Variants in MAP4K4 observed in about 807,000 individuals in gnomAD.
MAP4K4 encodes the protein HPK/GCK-like kinase HGK.
A neutral mutation model predicts 189.6 loss-of-function variants in MAP4K4; 38 were observed. The ratio of observed to expected loss-of-function variants is 0.20; its 90% confidence interval spans 0.15 to 0.26. The LOEUF (loss-of-function observed/expected upper bound fraction) is 0.26. MAP4K4 is among the 10% of genes least tolerant of loss of function. The probability of loss-of-function intolerance (pLI) is 1.00; values close to 1 mark genes in which losing one functional copy is unlikely to be tolerated. For synonymous variants in MAP4K4, 610 were observed against 624.3 expected, an observed-to-expected ratio of 0.98 and a Z score of 0.34; for missense variants, 1,054 against 1,726.9, an observed-to-expected ratio of 0.61 and a Z score of 6.91.
At chr2:101,799,525 T>TAA (rs986820207) in intron 3 of MAP4K4, among the ~76,000 whole-genome samples, 1 of 151,986 alleles carries the variant, frequency 6.6e-6, no homozygotes, top group African/African-American at 2.4e-5. Context: ...CACTGTTTGG[T>TAA]CCTTTGATAA....
intron 3 of MAP4K4, among the ~76,000 whole-genome samples, chr2:101,811,636 T>C (rs1290725500): frequency 6.6e-6 from 1 of 152,124 alleles, no homozygotes; most frequent in East Asian, 1.9e-4. Context: ...GAGCCATCTC[T>C]CTCCCTGTCC....
chr2:101,786,751 A>G (rs13425130), intron 2 of MAP4K4, among the ~76,000 whole-genome samples: 5,174 of 152,300 alleles, frequency 0.034, 304 homozygotes, highest in African/African-American at 0.12. Context: ...ATAACTGAAG[A>G]AAATTCAAAG....
intron 2 of MAP4K4, among the ~76,000 whole-genome samples, chr2:101,774,449 T>C (rs1205410775): frequency 6.6e-6 from 1 of 152,230 alleles, no homozygotes; most frequent in Non-Finnish European, 1.5e-5. Context: ...TCTGTACATA[T>C]TTTGGTTATC....
chr2:101,848,169 A>C (rs1279029837), intron 12 of MAP4K4, among the ~76,000 whole-genome samples: 1 of 152,258 alleles, frequency 6.6e-6, no homozygotes, highest in African/African-American at 2.4e-5. Flanking sequence ...CCTGTTGTTA[A>C]GCAACACATG....
At chr2:101,834,230 C>CTCCA (rs1401250998) in intron 7 of MAP4K4, among the ~76,000 whole-genome samples, 179 bp from the exon 8 acceptor site, 1 of 143,718 alleles carries the variant, frequency 7.0e-6, no homozygotes, top group African/African-American at 2.6e-5. Flanking sequence ...CCCTCCATCC[C>CTCCA]TCCCTTCCTC....
chr2:101,857,473 T>C (rs762641523), intron 13 of MAP4K4, among the ~76,000 whole-genome samples: 2 of 152,196 alleles, frequency 1.3e-5, no homozygotes, highest in African/African-American at 2.4e-5. Flanking sequence ...AGAAAACAAA[T>C]GAGTGTACTG....
intron 6 of MAP4K4, among the ~76,000 whole-genome samples, 185 bp from the exon 7 acceptor site, chr2:101,831,536 C>G (rs779188376): frequency 4.6e-5 from 7 of 151,904 alleles, no homozygotes; most frequent in Admixed American, 1.3e-4. Flanking sequence ...CTCACAGTCT[C>G]GGTGGCTTTA....
intron 2 of MAP4K4, among the ~76,000 whole-genome samples, chr2:101,751,513 G>A (rs1026269470): frequency 4.6e-5 from 7 of 152,188 alleles, no homozygotes; most frequent in African/African-American, 1.4e-4. Flanking sequence ...ACTTTAAGGT[G>A]CCTTTCTTCA....
chr2:101,888,565 C>CT (rs1462790596), intron 31 of MAP4K4, among the ~76,000 whole-genome samples: 12 of 152,062 alleles, frequency 7.9e-5, no homozygotes, highest in Admixed American at 7.9e-4. Context: ...CGTGAAAGGC[C>CT]TAAGGAAAAT....
Position 101,726,976 on chromosome 2 carries a change from G to C in MAP4K4, c.123+28438G>C, listed in dbSNP as rs373434801. Among the ~76,000 whole-genome samples the C allele has an allele frequency of 2.6e-5, 4 of 152,208 alleles. No homozygotes were observed. In the South Asian group the frequency reaches 6.2e-4, roughly 24 times the overall value. ...TGGTGCAGGGTATCACCTGGCGAGGGGGGTGAGCATGCTAACTCATGTCTC... is the reference window on the plus strand; with the variant it reads ...TGGTGCAGGGTATCACCTGGCGAGGCGGGTGAGCATGCTAACTCATGTCTC... On this transcript the variant is annotated intron_variant, in intron 2 of 32. Transcript: ENST00000324219.
chr2:101,796,867 G>C (rs1230081462), intron 3 of MAP4K4, among the ~76,000 whole-genome samples: 1 of 152,172 alleles, frequency 6.6e-6, no homozygotes, highest in Non-Finnish European at 1.5e-5. Context: ...TAAAAGCTGT[G>C]TAAAAGCCCT....
chr2:101,875,607 C>T (rs1443927837), intron 26 of MAP4K4, among the ~76,000 whole-genome samples: 1 of 151,734 alleles, frequency 6.6e-6, no homozygotes, highest in African/African-American at 2.4e-5. Context: ...TGATATTCTT[C>T]CGCCTCACTC....
intron 20 of MAP4K4, chr2:101,867,776 A>G (rs1034327110): frequency 8.4e-6 from 4 of 474,616 alleles, no homozygotes; most frequent in South Asian, 4.3e-5. Flanking sequence ...CTGGTTGCCT[A>G]CCTTCTGCTT....
At chr2:101,769,492 C>T (rs1003675220) in intron 2 of MAP4K4, among the ~76,000 whole-genome samples, 1 of 152,116 alleles carries the variant, frequency 6.6e-6, no homozygotes, top group Non-Finnish European at 1.5e-5. Context: ...CAGTATGTAC[C>T]TCTACAGTTT....
At chr2:101,840,642 A>G (rs188587666) in intron 10 of MAP4K4, among the ~76,000 whole-genome samples, 142 of 152,258 alleles carry the variant, frequency 9.3e-4, no homozygotes, top group African/African-American at 3.3e-3. Context: ...TTACTAAACC[A>G]TCTTCTCTGA....
chr2:101,759,490 C>G (rs1249820253), intron 2 of MAP4K4, among the ~76,000 whole-genome samples: 2 of 66,724 alleles, frequency 3.0e-5, no homozygotes, highest in African/African-American at 6.6e-5. Flanking sequence ...CCTCCCCTCC[C>G]CTCTCCTCCC....
At chr2:101,817,442 G>A (rs1291058690) in intron 3 of MAP4K4, among the ~76,000 whole-genome samples, 3 of 152,166 alleles carry the variant, frequency 2.0e-5, no homozygotes, top group Admixed American at 6.5e-5. Flanking sequence ...ATGGGCAACT[G>A]ATGTAGAAGA....
chr2:101,878,901 A>G (rs561226309), intron 27 of MAP4K4, among the ~76,000 whole-genome samples: 3 of 152,320 alleles, frequency 2.0e-5, no homozygotes, highest in Non-Finnish European at 2.9e-5. Context: ...TTGAAATGCA[A>G]AAATTTCACT....
At chr2:101,713,466 C>T (rs566565370) in intron 2 of MAP4K4, among the ~76,000 whole-genome samples, 6 of 151,996 alleles carry the variant, frequency 3.9e-5, no homozygotes, top group East Asian at 2.0e-4. Context: ...CACGGTGGCG[C>T]ATGCCTGTAA....
Sources: allele counts gnomAD v4.1 joint callset (sites outside exome capture counted in the v4.1 genomes callset), GRCh38; gene constraint gnomAD v4.1.1; transcripts MANE v1.5; gene names NCBI Gene and HGNC (gene_info 2026-07-23, HGNC 2026-07-21).